UNC5C: variants seen among roughly 807,000 people sequenced by gnomAD.
UNC5C encodes the protein netrin receptor UNC5C.
Under a neutral mutation model 99.8 loss-of-function variants are expected in UNC5C, and 47 were observed. That is an observed-to-expected ratio of 0.47 (90% CI 0.37 to 0.60). UNC5C has a LOEUF of 0.60. Among genes scored for constraint, UNC5C ranks in the 20% least tolerant of loss-of-function variants. The probability of loss-of-function intolerance (pLI) is 0.00; values close to 1 mark genes in which losing one functional copy is unlikely to be tolerated. For missense variants in UNC5C, 1,062 were observed against 1,165.9 expected, an observed-to-expected ratio of 0.91 and a Z score of 1.30; for synonymous variants, 487 against 452.2, an observed-to-expected ratio of 1.08 and a Z score of -0.98.
intron 12 of UNC5C, among the ~76,000 whole-genome samples, chr4:95,195,248 G>A (rs758041900): frequency 1.1e-4 from 17 of 152,106 alleles, no homozygotes; most frequent in Admixed American, 3.3e-4. Context: ...CAGTGACCAG[G>A]GCCACCAGGC....
intron 10 of UNC5C, among the ~76,000 whole-genome samples, chr4:95,207,634 G>A (rs1197119009): frequency 2.0e-5 from 3 of 152,060 alleles, no homozygotes; most frequent in African/African-American, 7.2e-5. Context: ...CCCTCTCAAC[G>A]ACAACAGTCA....
chr4:95,221,748 T>C (rs2149368988), intron 7 of UNC5C, among the ~76,000 whole-genome samples: 1 of 152,312 alleles, frequency 6.6e-6, no homozygotes, highest in Admixed American at 6.5e-5. Context: ...TCAAAGTACT[T>C]ACTTCACTTC....
chr4:95,425,979 C>T (rs904938430), intron 1 of UNC5C, among the ~76,000 whole-genome samples: 5 of 152,038 alleles, frequency 3.3e-5, no homozygotes, highest in Admixed American at 6.6e-5. Context: ...TTTTTTCATT[C>T]GGTATCATCC....
intron 10 of UNC5C, among the ~76,000 whole-genome samples, chr4:95,210,747 T>C (rs1476882059): frequency 6.6e-6 from 1 of 152,168 alleles, no homozygotes; most frequent in African/African-American, 2.4e-5. Flanking sequence ...GGGTGCTGAG[T>C]CCTCTAGGAC....
chr4:95,479,906 A>C (rs1404195724), intron 1 of UNC5C, among the ~76,000 whole-genome samples: 1 of 151,900 alleles, frequency 6.6e-6, no homozygotes, highest in African/African-American at 2.4e-5. Flanking sequence ...AACGGGCCTC[A>C]TCTAATCTGT....
chr4:95,205,067 G>C (rs1276306851), intron 11 of UNC5C, among the ~76,000 whole-genome samples: 2 of 152,136 alleles, frequency 1.3e-5, no homozygotes, highest in African/African-American at 2.4e-5. Flanking sequence ...GTATCCCCTA[G>C]TGGTGACATG....
chr4:95,175,532 G>T (rs1246108321), intron 14 of UNC5C, among the ~76,000 whole-genome samples: 16 of 151,948 alleles, frequency 1.1e-4, no homozygotes, highest in Non-Finnish European at 4.4e-5. Flanking sequence ...TGAAATTCTG[G>T]GTTGAAAATT....
intron 5 of UNC5C, among the ~76,000 whole-genome samples, chr4:95,246,124 G>A (rs562003109): frequency 3.0e-4 from 45 of 152,192 alleles, no homozygotes; most frequent in African/African-American, 8.9e-4. Context: ...ATTTTTTACA[G>A]CAACTTTATT....
At chr4:95,367,982 T>C (rs936237304) in intron 1 of UNC5C, among the ~76,000 whole-genome samples, 10 of 152,204 alleles carry the variant, frequency 6.6e-5, no homozygotes, top group Non-Finnish European at 1.3e-4. Flanking sequence ...AAGACAGATA[T>C]GGTGCAGTGA....
At chr4:95,424,807 G>T (rs1265577274) in intron 1 of UNC5C, among the ~76,000 whole-genome samples, 1 of 151,898 alleles carries the variant, frequency 6.6e-6, no homozygotes, top group Admixed American at 6.6e-5. Flanking sequence ...ACAGGAGTGA[G>T]CCACCGCACC....
intron 12 of UNC5C, among the ~76,000 whole-genome samples, chr4:95,197,554 C>T (rs1245193128): frequency 1.3e-5 from 2 of 152,028 alleles, no homozygotes; most frequent in Non-Finnish European, 2.9e-5. Flanking sequence ...GGGTAGAGGA[C>T]CGCAGCTGGG....
At chr4:95,211,755 T>G (rs763553768) in intron 10 of UNC5C, among the ~76,000 whole-genome samples, 32 of 152,164 alleles carry the variant, frequency 2.1e-4, no homozygotes, top group Non-Finnish European at 4.0e-4. Flanking sequence ...TTTTCCCCAT[T>G]TTCTTACCTT....
chr4:95,545,951 A>G (rs531095122), intron 1 of UNC5C, among the ~76,000 whole-genome samples: 2 of 152,366 alleles, frequency 1.3e-5, no homozygotes, highest in East Asian at 3.9e-4. Context: ...CCAAGGACCT[A>G]TTGAAAATGA....
chr4:95,331,179 A>G (rs1010521442), intron 2 of UNC5C, among the ~76,000 whole-genome samples: 1 of 152,040 alleles, frequency 6.6e-6, no homozygotes, highest in Non-Finnish European at 1.5e-5. Flanking sequence ...ATAGTATTCT[A>G]TTGTTTGTAT....
In UNC5C at chr4:95,529,510, G is replaced by C. The variant is rs116446368; in HGVS notation, c.124+19224C>G. Among the ~76,000 whole-genome samples the C allele has an allele frequency of 1.0e-2, 1,511 of 151,848 alleles. 23 individuals carry two copies. The highest frequency in any genetic ancestry group is 0.035 in the African/African-American group (1,444 of 41,416). ...GGGAGCCCAGGCAGGTACACTGCTT[G>C]AGACCAGGAGCTCAAGACCAACCTG... On this transcript the variant is annotated intron_variant, in intron 1 of 15. Transcript: ENST00000453304.
At chr4:95,355,669 A>G (rs1396825929) in intron 1 of UNC5C, among the ~76,000 whole-genome samples, 1 of 151,910 alleles carries the variant, frequency 6.6e-6, no homozygotes. Context: ...TCATTTATTA[A>G]TCTGGAGTAC....
intron 1 of UNC5C, among the ~76,000 whole-genome samples, chr4:95,523,346 G>A (rs1722409316): frequency 6.6e-6 from 1 of 152,152 alleles, no homozygotes; most frequent in South Asian, 2.1e-4. Context: ...TGTGCACTGG[G>A]CCAGTAAAGG....
intron 1 of UNC5C, among the ~76,000 whole-genome samples, chr4:95,476,754 C>T (rs1748162139): frequency 1.5e-5 from 2 of 130,840 alleles, no homozygotes; most frequent in African/African-American, 7.9e-5. Flanking sequence ...AGAATTTGTC[C>T]ATTTTTTTTG....
chr4:95,335,917 A>T (rs982630412), intron 1 of UNC5C, among the ~76,000 whole-genome samples: 23 of 151,882 alleles, frequency 1.5e-4, no homozygotes, highest in Admixed American at 6.6e-4. Context: ...TGTGTATCTC[A>T]ATTAAAAACC....
Sources: allele counts gnomAD v4.1 joint callset (sites outside exome capture counted in the v4.1 genomes callset), GRCh38; gene constraint gnomAD v4.1.1; transcripts MANE v1.5; gene names NCBI Gene and HGNC (gene_info 2026-07-23, HGNC 2026-07-21).